TMEM233: variants seen among roughly 807,000 people sequenced by gnomAD.
The protein encoded by TMEM233 is transmembrane protein 233.
TMEM233 carries 6 observed loss-of-function variants against 11.2 expected under a neutral mutation model. That is an observed-to-expected ratio of 0.54 (90% CI 0.29 to 1.06). The LOEUF (loss-of-function observed/expected upper bound fraction) is 1.06, where lower values mean the gene tolerates loss of function less well. Among genes scored for constraint, TMEM233 ranks in the 50% least tolerant of loss-of-function variants. The probability of loss-of-function intolerance (pLI) is 0.08; values close to 1 mark genes in which losing one functional copy is unlikely to be tolerated. For synonymous variants in TMEM233, 59 were observed against 55.8 expected, an observed-to-expected ratio of 1.06 and a Z score of -0.26; for missense variants, 127 against 144.7, an observed-to-expected ratio of 0.88 and a Z score of 0.63.
At chr12:119,643,458 G>A (rs145705829), downstream of TMEM233, among the ~76,000 whole-genome samples, 731 of 152,246 alleles carry the variant, frequency 4.8e-3, 2 homozygotes, top group Non-Finnish European at 7.0e-3. Context: ...TGCTCCACTC[G>A]CAAAAGCACA....
intron 2 of TMEM233, among the ~76,000 whole-genome samples, chr12:119,639,820 T>C (rs1283287575): frequency 6.6e-6 from 1 of 152,082 alleles, no homozygotes; most frequent in African/African-American, 2.4e-5. Flanking sequence ...TGGCACAAAC[T>C]ACAGGGCCTG....
intron 1 of TMEM233, among the ~76,000 whole-genome samples, chr12:119,605,409 CTTTTTTTTTTTTTT>C (rs6144897): frequency 2.1e-5 from 2 of 93,626 alleles, no homozygotes; most frequent in Non-Finnish European, 4.2e-5. Context: ...TATGCCTTTC[CTTTTTTTTTTTTTT>C]TTTTTTTTTT....
the TMEM233 span, among the ~76,000 whole-genome samples, chr12:119,651,804 C>T: frequency 0.78 from 110,653 of 142,368 alleles, 42,808 homozygotes; most frequent in Middle Eastern, 0.85. Flanking sequence ...TCCAGCCTGG[C>T]GACAGAGTGA....
At chr12:119,632,050 G>A (rs1397595068) in intron 2 of TMEM233, among the ~76,000 whole-genome samples, 1 of 152,200 alleles carries the variant, frequency 6.6e-6, no homozygotes, top group Non-Finnish European at 1.5e-5. Context: ...ATGAGACCAA[G>A]CCTTGGCTTG....
downstream of TMEM233, among the ~76,000 whole-genome samples, chr12:119,647,166 G>T (rs915473503): frequency 1.3e-5 from 2 of 152,130 alleles, no homozygotes; most frequent in African/African-American, 4.8e-5. Flanking sequence ...AAAGTGCTGG[G>T]ATTGTAGGTG....
At position 119,639,040 on chromosome 12, in the gene TMEM233, A is replaced by C. The variant is rs529146421; in HGVS notation, c.324-1659A>C. Among the ~76,000 whole-genome samples, 14 of 152,150 alleles carry C rather than the reference A, an allele frequency of 9.2e-5. No homozygotes were observed. In the South Asian group the frequency reaches 1.5e-3, roughly 16 times the overall value. On this transcript the variant is annotated intron_variant, in intron 2 of 2. Transcript: ENST00000426426. ...AGCCACATCAGAGTCCTCTCTGAGC[A>C]ATGCAAGCATATTCCTGCCTCAGGG...
Position 119,640,845 on chromosome 12 carries a change from C to CA in TMEM233, c.*143dup. Reference sequence around the variant, plus strand: ...GGACTCTCCAGAGGCAGGTCCCTGGCAAATGAACAAGAAAAAAAAAAAAAA... The same window carrying CA: ...GGACTCTCCAGAGGCAGGTCCCTGGCAAAATGAACAAGAAAAAAAAAAAAAA... On this transcript the variant is annotated 3_prime_UTR_variant, in exon 3 of 3. Coordinates refer to ENST00000426426, the MANE Select transcript of TMEM233 (RefSeq NM_001136534.3). The CA allele has an allele frequency of 1.7e-6, 1 of 576,768 alleles. No homozygotes were observed. Among genetic ancestry groups the CA allele is most frequent in the Admixed American group, 7.1e-5 (1 of 14,018 alleles). The allele number at this position is 576,768 out of a possible 1,614,324, so 35.7% of individuals were successfully genotyped here. A position where few individuals can be genotyped will look rare whatever the true frequency, so the allele number is the denominator to read the frequency against.
chr12:119,647,337 A>G (rs982218883), downstream of TMEM233, among the ~76,000 whole-genome samples: 3 of 152,238 alleles, frequency 2.0e-5, no homozygotes, highest in Admixed American at 6.5e-5. Context: ...TCTCTTTTGT[A>G]GTTAAGACAA....
chr12:119,653,014 G>C, the TMEM233 span, among the ~76,000 whole-genome samples: 1 of 152,104 alleles, frequency 6.6e-6, no homozygotes, highest in African/African-American at 2.4e-5. Flanking sequence ...TTCACTACCA[G>C]TTAAAACAAA....
At chr12:119,632,574 G>A (rs1370176093) in intron 2 of TMEM233, among the ~76,000 whole-genome samples, 2 of 152,286 alleles carry the variant, frequency 1.3e-5, no homozygotes, top group South Asian at 2.1e-4. Context: ...TCAGGGGAAG[G>A]ACATACATGA....
chr12:119,628,393 T>G (rs1954805423), intron 1 of TMEM233, among the ~76,000 whole-genome samples: 1 of 151,618 alleles, frequency 6.6e-6, no homozygotes, highest in African/African-American at 2.4e-5. Context: ...ACTCCTGACC[T>G]CAGGTGATCC....
At chr12:119,596,124 A>C (rs1954042595) in intron 1 of TMEM233, among the ~76,000 whole-genome samples, 1 of 151,992 alleles carries the variant, frequency 6.6e-6, no homozygotes, top group Non-Finnish European at 1.5e-5. Context: ...CTCTCCCCAT[A>C]TATCCGGTCT....
rs930173935 is a variant in TMEM233 at position 119,593,994 on chromosome 12, C to T, written c.146C>T (p.Ala49Val). 7 of 1,551,620 alleles carry T rather than the reference C, an allele frequency of 4.5e-6. No homozygotes were observed. The Admixed American group carries it at 5.9e-5, about 13-fold the overall frequency. ...ACCATCGTCTCGTGTTTTTGCCCTG[C>T]GTACCCCATCAACATCGTGGCTTTG... ...WLTIVSCFCP[A>V]YPINIVALVF... Residue 49 changes from alanine to valine, a missense_variant, in exon 1 of 3, where the codon GCG (alanine) becomes GTG (valine). Coordinates refer to ENST00000426426, the MANE Select transcript of TMEM233 (RefSeq NM_001136534.3). This position sits in a 1 kb window ranked among gnomAD's most constrained non-coding sequence, Gnocchi z 4.1.
chr12:119,633,129 C>A (rs1242042749), intron 2 of TMEM233, among the ~76,000 whole-genome samples: 1 of 152,098 alleles, frequency 6.6e-6, no homozygotes, highest in African/African-American at 2.4e-5. Context: ...GATTTAATAC[C>A]AGCTTTATCA....
intron 1 of TMEM233, among the ~76,000 whole-genome samples, chr12:119,610,913 T>C (rs1056455093): frequency 2.6e-5 from 4 of 152,186 alleles, no homozygotes; most frequent in East Asian, 1.9e-4. Flanking sequence ...ATATTTCTTA[T>C]AAATGAAATC....
chr12:119,617,331 G>A (rs1398020894), intron 1 of TMEM233, among the ~76,000 whole-genome samples: 5 of 152,278 alleles, frequency 3.3e-5, no homozygotes, highest in Non-Finnish European at 5.9e-5. Context: ...AGATGGAGAT[G>A]AGGGACTTTT....
At chr12:119,648,532 C>G in the TMEM233 span, among the ~76,000 whole-genome samples, 1 of 152,238 alleles carries the variant, frequency 6.6e-6, no homozygotes, top group Non-Finnish European at 1.5e-5. Flanking sequence ...ATGAGGGTCT[C>G]CCTTTTGCAT....
the TMEM233 span, among the ~76,000 whole-genome samples, chr12:119,648,983 T>C: frequency 6.6e-6 from 1 of 152,160 alleles, no homozygotes; most frequent in Non-Finnish European, 1.5e-5. Flanking sequence ...AATCGACTTA[T>C]ACCAAAAAAT....
chr12:119,608,438 T>C (rs1334102781), intron 1 of TMEM233, among the ~76,000 whole-genome samples: 1 of 152,202 alleles, frequency 6.6e-6, no homozygotes, highest in Non-Finnish European at 1.5e-5. Context: ...TCATGTTTGA[T>C]TATAGCAAAG....
Sources: gnomAD v4.1 joint callset for allele counts (sites outside exome capture counted in the v4.1 genomes callset) on GRCh38, gnomAD v4.1.1 for gene constraint, Gnocchi (gnomAD v3.1) non-coding constraint, MANE v1.5 for transcripts, NCBI Gene and HGNC (gene_info 2026-07-23, HGNC 2026-07-21) for gene names.